SPINK6: variants seen among roughly 807,000 people sequenced by gnomAD.
SPINK6 encodes serine peptidase inhibitor Kazal type 6, also known as serine protease inhibitor Kazal-type 6.
Under a neutral mutation model 11.7 loss-of-function variants are expected in SPINK6, and 13 were observed. The observed-to-expected ratio is 1.11, with a 90% CI of 0.72 to 1.76. SPINK6 has a LOEUF of 1.76. SPINK6 is among the 40% of genes most tolerant of loss of function. The pLI, the probability that SPINK6 is intolerant of heterozygous loss-of-function variation, is 0.00. For missense variants in SPINK6, 98 were observed against 93.7 expected, an observed-to-expected ratio of 1.05 and a Z score of -0.19; for synonymous variants, 21 against 31.9, an observed-to-expected ratio of 0.66 and a Z score of 1.15.
At chr5:148,203,029 G>A, upstream of SPINK6, 2 of 1,347,516 alleles carry the variant, frequency 1.5e-6, no homozygotes, top group East Asian at 4.7e-5. Flanking sequence ...AGGGCTTTCT[G>A]GGAATTGTCT....
intron 2 of SPINK6, among the ~76,000 whole-genome samples, chr5:148,206,863 A>G (rs1408200718): frequency 1.3e-5 from 2 of 152,250 alleles, no homozygotes; most frequent in Non-Finnish European, 2.9e-5. Flanking sequence ...TACCTTTGAC[A>G]TGAAAATTTC....
chr5:148,210,007 C>CACACGTACGTATGT lies in SPINK6; in HGVS notation c.82-3902_82-3901insCACGTACGTATGTA, dbSNP rs1755557458. On this transcript the variant is annotated intron_variant, in intron 2 of 3. Coordinates refer to ENST00000325630, the MANE Select transcript of SPINK6 (RefSeq NM_205841.4). ...ATGTATACATATACACGTATGTATA[C>CACACGTACGTATGT]ATGTATGTACGCATGTACGCATGCA... is the stretch of plus-strand genomic sequence containing the variant. 3.8e-5 allele frequency among the ~76,000 whole-genome samples: 4 copies of CACACGTACGTATGT among 105,728 alleles called. 1 individual carries two copies. Among genetic ancestry groups the CACACGTACGTATGT allele is most frequent in the Admixed American group, 8.4e-5 (1 of 11,906 alleles). 69.4% of individuals were successfully genotyped at this position (105,728 alleles called of 152,430 possible). A position where few individuals can be genotyped will look rare whatever the true frequency, so the allele number is the denominator to read the frequency against.
At chr5:148,206,893 A>G (rs981241875) in intron 2 of SPINK6, among the ~76,000 whole-genome samples, 1 of 152,206 alleles carries the variant, frequency 6.6e-6, no homozygotes, top group African/African-American at 2.4e-5. Context: ...CTGCTAACTA[A>G]TTGGAGTTGG....
At chr5:148,203,239 T>C in intron 1 of SPINK6, 85 bp downstream of exon 1, 1 of 1,008,814 alleles carries the variant, frequency 9.9e-7, no homozygotes, top group South Asian at 1.6e-5. Context: ...TAAATCCTAA[T>C]GATTTTGATG....
chr5:148,212,480 T>TTATATA lies in SPINK6; in HGVS notation c.82-1417_82-1412dup, dbSNP rs201941959. ...ACTCTATCTCTAAAATACATATTTTTTATATATATATATATATAAAGTATA... is the reference window on the plus strand; with the variant it reads ...ACTCTATCTCTAAAATACATATTTTTTATATATATATATATATATATATAAAGTATA... On this transcript the variant is annotated intron_variant, in intron 2 of 3. Transcript: ENST00000325630. Among the ~76,000 whole-genome samples, 7 of 97,006 alleles carry TTATATA rather than the reference T, an allele frequency of 7.2e-5. 1 individual carries two copies. Among genetic ancestry groups the TTATATA allele is most frequent in the African/African-American group, 2.1e-4 (6 of 28,066 alleles). 63.6% of individuals were successfully genotyped at this position (97,006 alleles called of 152,430 possible).
intron 2 of SPINK6, 121 bp downstream of exon 2, chr5:148,206,179 C>A: frequency 1.1e-6 from 1 of 881,950 alleles, no homozygotes. Flanking sequence ...AAACCTTATG[C>A]AGACATCAGC....
chr5:148,213,032 T>C (rs1056591026), intron 2 of SPINK6, among the ~76,000 whole-genome samples: 1 of 150,280 alleles, frequency 6.7e-6, no homozygotes, highest in South Asian at 2.1e-4. Flanking sequence ...ATATATATAC[T>C]TGATATACTT....
intron 1 of SPINK6, among the ~76,000 whole-genome samples, chr5:148,205,581 A>G (rs2113306455): frequency 6.6e-6 from 1 of 152,328 alleles, no homozygotes; most frequent in South Asian, 2.1e-4. Context: ...ACAAACTACA[A>G]GCTTAATCTC....
upstream of SPINK6, chr5:148,202,897 C>T (rs74607481): frequency 4.0e-3 from 1,778 of 448,120 alleles, 10 homozygotes; most frequent in African/African-American, 5.5e-3. Flanking sequence ...ATCTGAGGTG[C>T]GACACACATA....
chr5:148,214,311 A>G (rs1394238241), intron 3 of SPINK6, among the ~76,000 whole-genome samples: 1 of 152,076 alleles, frequency 6.6e-6, no homozygotes, highest in Non-Finnish European at 1.5e-5. Flanking sequence ...ATTATAACTT[A>G]TTATATTTAA....
chr5:148,204,371 T>A (rs1418177835), intron 1 of SPINK6, among the ~76,000 whole-genome samples: 1 of 151,740 alleles, frequency 6.6e-6, no homozygotes, highest in Non-Finnish European at 1.5e-5. Flanking sequence ...GCTGCAAAGA[T>A]AGTCTCAGAA....
intron 3 of SPINK6, 119 bp from the exon 4 acceptor site, chr5:148,214,786 A>G: frequency 1.6e-5 from 12 of 760,036 alleles, no homozygotes; most frequent in Non-Finnish European, 2.5e-5. Flanking sequence ...AATCATATAA[A>G]TGGAATTTAT....
At chr5:148,214,368 T>G (rs921172229) in intron 3 of SPINK6, among the ~76,000 whole-genome samples, 13 of 152,194 alleles carry the variant, frequency 8.5e-5, no homozygotes, top group Non-Finnish European at 1.3e-4. Context: ...AATTAGAATT[T>G]GCAATATCAA....
rs1755648137 is a variant in SPINK6 at position 148,213,938 on chromosome 5, A to G, written c.110A>G (p.Lys37Arg). 6.2e-7 allele frequency: 1 copy of G among 1,611,848 alleles called. No homozygotes were observed. The highest frequency in any genetic ancestry group is 1.7e-5 in the Admixed American group (1 of 59,952). The change falls in exon 3 of 4, where the codon AAG becomes AGG. Residue 37 changes from lysine (K) to arginine (R), a missense_variant. Physicochemically the swap from Lys to Arg is conservative, Grantham distance 26. Coordinates refer to ENST00000325630, the MANE Select transcript of SPINK6 (RefSeq NM_205841.4). ...GACTGTGGTGAGTTCCAGGACCCCAAGGTCTACTGCACTCGGGAATCTAAC... is the reference window on the plus strand; with the variant it reads ...GACTGTGGTGAGTTCCAGGACCCCAGGGTCTACTGCACTCGGGAATCTAAC... ...QVDCGEFQDPKVYCTRESNPH... is the reference protein window; with the variant it reads ...QVDCGEFQDPRVYCTRESNPH...
Position 148,209,991 on chromosome 5 carries a change from T to TACACACGTACGTATGTATGTATCC in SPINK6, c.82-3918_82-3917insCACACGTACGTATGTATGTATCCA, listed in dbSNP as rs1398978551. Among the ~76,000 whole-genome samples the TACACACGTACGTATGTATGTATCC allele has an allele frequency of 1.4e-5, 2 of 145,404 alleles. 1 individual carries two copies. The highest frequency in any genetic ancestry group is 1.4e-4 in the Admixed American group (2 of 14,712). Reference sequence around the variant, plus strand: ...ACATACGTACGTATGTATGTATACATATACACGTATGTATACATGTATGTA... The same window carrying TACACACGTACGTATGTATGTATCC: ...ACATACGTACGTATGTATGTATACATACACACGTACGTATGTATGTATCCATACACGTATGTATACATGTATGTA... On this transcript the variant is annotated intron_variant, in intron 2 of 3. Transcript: ENST00000325630.
At chr5:148,212,679 A>G (rs1490918870) in intron 2 of SPINK6, among the ~76,000 whole-genome samples, 2 of 113,154 alleles carry the variant, frequency 1.8e-5, no homozygotes, top group Non-Finnish European at 3.3e-5. Context: ...TATAATATAT[A>G]TTTTATATAA....
At chr5:148,207,543 C>A (rs1040071702) in intron 2 of SPINK6, among the ~76,000 whole-genome samples, 3 of 152,080 alleles carry the variant, frequency 2.0e-5, no homozygotes, top group African/African-American at 7.2e-5. Flanking sequence ...TTAAAACCTA[C>A]TGAAGGGCCG....
At chr5:148,207,280 T>C (rs1470610605) in intron 2 of SPINK6, among the ~76,000 whole-genome samples, 1 of 152,178 alleles carries the variant, frequency 6.6e-6, no homozygotes, top group Admixed American at 6.5e-5. Flanking sequence ...AATTAAGAAA[T>C]ATGGAATTTA....
Position 148,210,009 on chromosome 5 carries a change from T to TACACACGTACGTATGTAG in SPINK6, c.82-3901_82-3900insACACACGTACGTATGTAG, listed in dbSNP as rs1468415490. Among the ~76,000 whole-genome samples the TACACACGTACGTATGTAG allele has an allele frequency of 4.8e-5, 7 of 144,954 alleles. 2 individuals carry two copies. The highest frequency in any genetic ancestry group is 1.0e-4 in the Non-Finnish European group (7 of 67,236). ...GTATACATATACACGTATGTATACA[T>TACACACGTACGTATGTAG]GTATGTACGCATGTACGCATGCACA... On this transcript the variant is annotated intron_variant, in intron 2 of 3. Transcript: ENST00000325630.
Sources: allele counts gnomAD v4.1 joint callset (sites outside exome capture counted in the v4.1 genomes callset), GRCh38; gene constraint gnomAD v4.1.1; transcripts MANE v1.5; gene names NCBI Gene and HGNC (gene_info 2026-07-23, HGNC 2026-07-21).